Variants in TRHR observed in about 807,000 individuals in gnomAD.
TRHR encodes thyrotropin releasing hormone receptor.
TRHR carries 14 observed loss-of-function variants against 28.0 expected under a neutral mutation model. The ratio of observed to expected loss-of-function variants is 0.50; its 90% CI spans 0.33 to 0.78. TRHR has a LOEUF of 0.78. Among genes scored for constraint, TRHR ranks in the 30% least tolerant of loss-of-function variants. The pLI is 0.02. For synonymous variants in TRHR, 176 were observed against 171.9 expected (o/e 1.02, Z -0.18); for missense variants, 438 against 469.5 (o/e 0.93, Z 0.62).
rs779373913 is a variant in TRHR, at chr8:109,119,299, C to T, written c.1041C>T (p.Asn347=). The T allele has an allele frequency of 6.2e-7, 1 of 1,612,732 alleles. No individual in the cohort carries two copies. The highest frequency in any genetic ancestry group is 8.5e-7 in the Non-Finnish European group (1 of 1,179,190). The change falls in exon 3 of 3, where the codon AAC becomes AAT. Residue 347 remains asparagine, a synonymous_variant. Coordinates refer to ENST00000518632, the MANE Select transcript of TRHR (RefSeq NM_003301.7). ...AGAAGCCAACAGAGAAACCTGCTAACTACAGTGTGGCCCTAAATTACAGCG... is the reference window on the plus strand; with the variant it reads ...AGAAGCCAACAGAGAAACCTGCTAATTACAGTGTGGCCCTAAATTACAGCG... ...CKQKPTEKPA[N]YSVALNYSVI... is the part of the protein sequence containing the mutation.
At chr8:109,110,097 G>C (rs1224685155) in intron 2 of TRHR, among the ~76,000 whole-genome samples, 1 of 152,184 alleles carries the variant, frequency 6.6e-6, no homozygotes, top group Non-Finnish European at 1.5e-5. Flanking sequence ...GAGATATATA[G>C]TTTCCTGTCC....
At chr8:109,097,734 C>A (rs1288374769) in intron 2 of TRHR, among the ~76,000 whole-genome samples, 1 of 152,152 alleles carries the variant, frequency 6.6e-6, no homozygotes, top group African/African-American at 2.4e-5. Flanking sequence ...GCCAGAAAAA[C>A]AAAGCCCAAG....
Position 109,118,925 on chromosome 8 carries a change from C to A in TRHR, c.790-123C>A, listed in dbSNP as rs972789934. The A allele has an allele frequency of 2.0e-5, 24 of 1,204,946 alleles. No individual in the cohort carries two copies. The African/African-American group carries it at 2.1e-4, about 11-fold the overall frequency. The allele number at this position is 1,204,946 out of a possible 1,614,324, so 74.6% of individuals were successfully genotyped here. A position where few individuals can be genotyped will look rare whatever the true frequency, so the allele number is the denominator to read the frequency against. On this transcript the variant is annotated intron_variant, in intron 2 of 2. Transcript: ENST00000518632. ...CTGGGATCACCTCCCCAATAAATGA[C>A]CTGCACCTAACTCCTTGTCTCAGAC... is the stretch of plus-strand genomic sequence containing the variant.
intron 2 of TRHR, among the ~76,000 whole-genome samples, chr8:109,107,704 G>A (rs1040488692): frequency 6.6e-6 from 1 of 152,112 alleles, no homozygotes; most frequent in African/African-American, 2.4e-5. Flanking sequence ...GATAAAGCTG[G>A]CACCTCTTAT....
At chr8:109,090,397 T>C (rs1199257043) in intron 2 of TRHR, among the ~76,000 whole-genome samples, 1 of 152,220 alleles carries the variant, frequency 6.6e-6, no homozygotes, top group Non-Finnish European at 1.5e-5. Context: ...TGGTAACTTC[T>C]TTAAGGAGTT....
At chr8:109,106,883 G>A (rs1285297363) in intron 2 of TRHR, among the ~76,000 whole-genome samples, 4 of 152,036 alleles carry the variant, frequency 2.6e-5, no homozygotes, top group Admixed American at 1.3e-4. Flanking sequence ...GTAAAGGAGT[G>A]GAAACCCTCA....
chr8:109,113,201 T>G (rs1811865453), intron 2 of TRHR, among the ~76,000 whole-genome samples: 1 of 152,134 alleles, frequency 6.6e-6, no homozygotes, highest in Admixed American at 6.6e-5. Context: ...CCTCTTCCAG[T>G]AAAATTCTCA....
chr8:109,116,049 A>T (rs191623091), intron 2 of TRHR, among the ~76,000 whole-genome samples: 3,194 of 152,240 alleles, frequency 0.021, 55 homozygotes, highest in Non-Finnish European at 0.034. Context: ...TTCTGCATCT[A>T]TTGAGATAAT....
At chr8:109,101,664 A>C (rs1459968349) in intron 2 of TRHR, among the ~76,000 whole-genome samples, 42 of 152,212 alleles carry the variant, frequency 2.8e-4, no homozygotes, top group Admixed American at 2.8e-3. Context: ...AACATATTTC[A>C]GTAGGTTAAG....
intron 2 of TRHR, among the ~76,000 whole-genome samples, chr8:109,111,242 A>T (rs1166832293): frequency 6.6e-6 from 1 of 152,228 alleles, no homozygotes; most frequent in Non-Finnish European, 1.5e-5. Context: ...TGCAAGAAGA[A>T]ATTCCCAGAG....
chr8:109,096,590 G>T (rs755207453), intron 2 of TRHR, among the ~76,000 whole-genome samples: 4 of 152,132 alleles, frequency 2.6e-5, no homozygotes, highest in Non-Finnish European at 5.9e-5. Context: ...GCAAGAGCAG[G>T]TGATTAGTCT....
intron 2 of TRHR, among the ~76,000 whole-genome samples, chr8:109,114,161 C>T (rs1171517996): frequency 6.6e-6 from 1 of 152,000 alleles, no homozygotes; most frequent in African/African-American, 2.4e-5. Context: ...AGTTTGGTAT[C>T]AAAATTTCCA....
chr8:109,088,430 T>C (rs1811475343), intron 2 of TRHR, 129 bp downstream of exon 2: 7 of 999,776 alleles, frequency 7.0e-6, no homozygotes, highest in Non-Finnish European at 1.1e-5. Flanking sequence ...TTTCACAGTG[T>C]AAGCTTCTGC....
intron 2 of TRHR, among the ~76,000 whole-genome samples, chr8:109,099,199 T>G (rs1811641384): frequency 2.6e-5 from 4 of 152,112 alleles, no homozygotes; most frequent in Admixed American, 2.6e-4. Context: ...AATATGGGAT[T>G]GGAAGTGAGT....
At chr8:109,088,476 A>T (rs1262999370) in intron 2 of TRHR, among the ~76,000 whole-genome samples, 175 bp downstream of exon 2, 1 of 146,766 alleles carries the variant, frequency 6.8e-6, no homozygotes, top group African/African-American at 2.4e-5. Context: ...GCAACTGAAG[A>T]TCTAAAAATA....
chr8:109,096,149 C>T (rs779913319), intron 2 of TRHR, among the ~76,000 whole-genome samples: 4 of 152,214 alleles, frequency 2.6e-5, no homozygotes, highest in Non-Finnish European at 5.9e-5. Context: ...GGCTTCCTCT[C>T]ACGTGGCTCT....
intron 2 of TRHR, among the ~76,000 whole-genome samples, chr8:109,092,000 G>C (rs1015081292): frequency 2.0e-5 from 3 of 152,190 alleles, no homozygotes; most frequent in African/African-American, 7.2e-5. Flanking sequence ...ATCATTGACT[G>C]TGTATTTCTA....
chr8:109,097,573 A>G (rs904613318), intron 2 of TRHR, among the ~76,000 whole-genome samples: 5 of 152,212 alleles, frequency 3.3e-5, no homozygotes, highest in African/African-American at 1.2e-4. Context: ...TGTACAGAAG[A>G]GACAAGAAAG....
chr8:109,108,545 A>G (rs1289123517), intron 2 of TRHR, among the ~76,000 whole-genome samples: 2 of 152,184 alleles, frequency 1.3e-5, no homozygotes, highest in Non-Finnish European at 2.9e-5. Context: ...AAATATAACC[A>G]GGAGAGGTAA....
Sources: gnomAD v4.1 joint callset for allele counts (sites outside exome capture counted in the v4.1 genomes callset) on GRCh38, gnomAD v4.1.1 for gene constraint, MANE v1.5 for transcripts, NCBI Gene and HGNC (gene_info 2026-07-23, HGNC 2026-07-21) for gene names.